RASGRP3: variants seen among roughly 807,000 people sequenced by gnomAD.
RASGRP3 encodes the protein ras guanyl-releasing protein 3.
In RASGRP3, 54 loss-of-function variants were observed where a neutral mutation model predicts 82.7. The ratio of observed to expected loss-of-function variants is 0.65; its 90% CI spans 0.52 to 0.82. RASGRP3 has a LOEUF of 0.82. Among genes scored for constraint, RASGRP3 ranks in the 40% least tolerant of loss-of-function variants. The pLI, the probability that RASGRP3 is intolerant of heterozygous loss-of-function variation, is 0.00. For missense variants in RASGRP3, 861 were observed against 828.9 expected (o/e 1.04, Z -0.48); for synonymous variants, 309 against 300.5 (o/e 1.03, Z -0.29).
chr2:33,500,407 G>T (rs1021968031), intron 1 of RASGRP3, among the ~76,000 whole-genome samples: 2 of 152,128 alleles, frequency 1.3e-5, no homozygotes, highest in African/African-American at 2.4e-5. Context: ...GAGCCATTGC[G>T]GTGGGCCAGG....
intron 2 of RASGRP3, among the ~76,000 whole-genome samples, chr2:33,452,190 T>G (rs1415529874): frequency 6.6e-6 from 1 of 152,230 alleles, no homozygotes; most frequent in East Asian, 1.9e-4. Flanking sequence ...GTTAAGATGA[T>G]TATTTTGAAT....
intron 7 of RASGRP3, 145 bp from the exon 8 acceptor site, chr2:33,523,734 A>G (rs904177243): frequency 4.4e-6 from 4 of 908,768 alleles, no homozygotes; most frequent in East Asian, 2.6e-5. Flanking sequence ...TGTATATTCA[A>G]ACTTTTAGGA....
intron 1 of RASGRP3, among the ~76,000 whole-genome samples, chr2:33,477,924 C>A (rs1667529054): frequency 6.6e-6 from 1 of 152,184 alleles, no homozygotes; most frequent in African/African-American, 2.4e-5. Flanking sequence ...AAGCCTAGGA[C>A]AACCTGGAGT....
intron 6 of RASGRP3, among the ~76,000 whole-genome samples, chr2:33,521,704 G>A (rs377475009): frequency 5.9e-5 from 9 of 152,270 alleles, no homozygotes; most frequent in African/African-American, 1.7e-4. Context: ...AGACCTTGCC[G>A]GTCACAAAGA....
At chr2:33,542,513 T>A (rs1229726317) in intron 12 of RASGRP3, among the ~76,000 whole-genome samples, 2 of 147,406 alleles carry the variant, frequency 1.4e-5, no homozygotes, top group African/African-American at 2.4e-5. Context: ...ATGCTTTAAT[T>A]TTTGAGATAA....
rs1415416034 is a variant in RASGRP3, at chr2:33,453,213, T to C, written c.-261+5270T>C. Among the ~76,000 whole-genome samples, 5 of 152,256 alleles carry C rather than the reference T, an allele frequency of 3.3e-5. No individual in the cohort carries two copies. The South Asian group carries it at 6.2e-4, about 19-fold the overall frequency. On this transcript the variant is annotated intron_variant, in intron 2 of 18. Transcript: ENST00000402538. The stretch of plus-strand genomic sequence containing the variant: ...ATTTTAAAAAGCAATGAGTGTATTA[T>C]AAAGATTTTGAGCTTCCAGCTGAAG...
At chr2:33,459,805 G>A (rs905563461) in intron 2 of RASGRP3, among the ~76,000 whole-genome samples, 4 of 152,172 alleles carry the variant, frequency 2.6e-5, no homozygotes, top group African/African-American at 9.7e-5. Context: ...GAGACTGGGG[G>A]ACAGAGGCCT....
intron 2 of RASGRP3, among the ~76,000 whole-genome samples, chr2:33,466,174 A>T (rs1003765419): frequency 2.0e-5 from 3 of 152,346 alleles, no homozygotes; most frequent in Middle Eastern, 3.4e-3. Context: ...GTAAGGCTAT[A>T]GCTACCATAG....
At chr2:33,556,469 G>T (rs1249599382) in intron 15 of RASGRP3, among the ~76,000 whole-genome samples, 1 of 88,610 alleles carries the variant, frequency 1.1e-5, no homozygotes, top group Non-Finnish European at 2.1e-5. Flanking sequence ...GGATGGTCTC[G>T]ATCTCCTGAC....
intron 1 of RASGRP3, among the ~76,000 whole-genome samples, chr2:33,443,831 T>C: frequency 6.6e-6 from 1 of 151,724 alleles, no homozygotes. Flanking sequence ...CAGTGAGCTA[T>C]GATCACACCA....
At chr2:33,503,276 A>C (rs1670051371) in intron 1 of RASGRP3, among the ~76,000 whole-genome samples, 1 of 152,198 alleles carries the variant, frequency 6.6e-6, no homozygotes, top group Non-Finnish European at 1.5e-5. Context: ...GAGATGATGA[A>C]AGTGAGCCTC....
chr2:33,527,019 T>C (rs1195842388), intron 9 of RASGRP3, 118 bp from the exon 10 acceptor site: 13 of 1,049,366 alleles, frequency 1.2e-5, no homozygotes, highest in Admixed American at 2.7e-5. Context: ...TGCAGCAACA[T>C]TGGTGCAAGT....
intron 11 of RASGRP3, among the ~76,000 whole-genome samples, chr2:33,536,526 G>A (rs12476216): frequency 0.11 from 16,783 of 151,502 alleles, 930 homozygotes; most frequent in Admixed American, 0.14. Context: ...CCTGCCTTGT[G>A]TGCCTTTAGT....
At chr2:33,484,911 G>A (rs1668240494) in intron 1 of RASGRP3, among the ~76,000 whole-genome samples, 1 of 152,054 alleles carries the variant, frequency 6.6e-6, no homozygotes. Context: ...TAAAACTGAT[G>A]CCCTTGGCCG....
intron 8 of RASGRP3, 40 bp downstream of exon 8, chr2:33,524,092 G>A: frequency 1.3e-6 from 2 of 1,592,766 alleles, no homozygotes; most frequent in Non-Finnish European, 1.7e-6. Context: ...AGTTCTAGAT[G>A]TTCGTTCACT....
chr2:33,482,871 G>T (rs763014267), intron 1 of RASGRP3: 1 of 152,102 alleles, frequency 6.6e-6, no homozygotes, highest in Non-Finnish European at 1.5e-5. Context: ...TCTTTCTAAA[G>T]TAACTTTTTC....
chr2:33,462,622 C>G (rs1483725004), intron 2 of RASGRP3, among the ~76,000 whole-genome samples: 5 of 152,136 alleles, frequency 3.3e-5, no homozygotes, highest in African/African-American at 1.2e-4. Flanking sequence ...AGGTGATTCA[C>G]CCGCCTCAGC....
chr2:33,439,835 A>C (rs1013440210), intron 1 of RASGRP3, among the ~76,000 whole-genome samples: 1 of 152,148 alleles, frequency 6.6e-6, no homozygotes, highest in African/African-American at 2.4e-5. Flanking sequence ...GCCGATGAGA[A>C]GTTCTGAAAA....
intron 14 of RASGRP3, among the ~76,000 whole-genome samples, chr2:33,550,916 AG>A (rs1675295279): frequency 6.6e-6 from 1 of 152,216 alleles, no homozygotes; most frequent in Non-Finnish European, 1.5e-5. Flanking sequence ...GATGTGACAC[AG>A]GGGAAAGCCA....
Sources: allele counts gnomAD v4.1 joint callset (sites outside exome capture counted in the v4.1 genomes callset), GRCh38; gene constraint gnomAD v4.1.1; transcripts MANE v1.5; gene names NCBI Gene and HGNC (gene_info 2026-07-23, HGNC 2026-07-21).